POU6F2: variants seen among roughly 807,000 people sequenced by gnomAD.
The protein encoded by POU6F2 is POU class 6 homeobox 2, also known as POU domain, class 6, transcription factor 2.
In POU6F2, 31 loss-of-function variants were observed where a neutral mutation model predicts 71.3. That is an observed-to-expected ratio of 0.43 (90% CI 0.33 to 0.59). The LOEUF is 0.59. Ranked by LOEUF, POU6F2 falls within the 20% of genes least tolerant of loss-of-function variation. The pLI is 0.04. For missense variants in POU6F2, 783 were observed against 856.8 expected (o/e 0.91, Z 1.07); for synonymous variants, 347 against 355.7 (o/e 0.98, Z 0.27).
intron 1 of POU6F2, among the ~76,000 whole-genome samples, chr7:38,988,117 A>C (rs1282166194): frequency 6.6e-6 from 1 of 152,068 alleles, no homozygotes; most frequent in Non-Finnish European, 1.5e-5. Flanking sequence ...CATTTTATAG[A>C]AGTGGAAGCT....
chr7:39,095,580 C>A (rs77015808), intron 2 of POU6F2, among the ~76,000 whole-genome samples: 2,130 of 152,190 alleles, frequency 0.014, 45 homozygotes, highest in African/African-American at 0.048. Context: ...AACCCTGTAA[C>A]GGTTTATGGT....
intron 5 of POU6F2, among the ~76,000 whole-genome samples, chr7:39,341,951 G>C (rs1190428874): frequency 6.6e-6 from 1 of 152,194 alleles, no homozygotes; most frequent in Non-Finnish European, 1.5e-5. Flanking sequence ...TCCCAGGGCT[G>C]TTTGTTTTGT....
intron 1 of POU6F2, among the ~76,000 whole-genome samples, chr7:39,041,630 G>A (rs1306957828): frequency 6.6e-6 from 1 of 151,614 alleles, no homozygotes. Context: ...TTATATTATG[G>A]ATACTACATT....
chr7:38,987,584 A>T (rs747732736), intron 1 of POU6F2, among the ~76,000 whole-genome samples: 4 of 152,132 alleles, frequency 2.6e-5, no homozygotes, highest in Admixed American at 6.6e-5. Context: ...TCATAAGTTA[A>T]ATAATGCAGT....
At chr7:39,291,443 T>C (rs2128762198) in intron 4 of POU6F2, among the ~76,000 whole-genome samples, 2 of 152,338 alleles carry the variant, frequency 1.3e-5, no homozygotes, top group South Asian at 4.1e-4. Context: ...TCATCTTGTT[T>C]TGCTCTTTAT....
In POU6F2 at chr7:39,091,575, T is replaced by C. The variant is rs1430430994; in HGVS notation, c.277+5544T>C. ...ATCCCTCCTTTAAATGATCCCATTT[T>C]AGTCTCTTGAATGTCTTGGATGTTT... On this transcript the variant is annotated intron_variant, in intron 2 of 9. Coordinates refer to ENST00000518318, the MANE Select transcript of POU6F2 (RefSeq NM_001370959.1). Among the ~76,000 whole-genome samples, 3 of 152,204 alleles carry C rather than the reference T, an allele frequency of 2.0e-5. No homozygotes were observed. In the East Asian group the frequency reaches 5.8e-4, roughly 29 times the overall value.
At chr7:39,021,650 A>T (rs879355507) in intron 1 of POU6F2, among the ~76,000 whole-genome samples, 9 of 152,040 alleles carry the variant, frequency 5.9e-5, no homozygotes, top group Non-Finnish European at 1.2e-4. Flanking sequence ...TTTACTACAA[A>T]TTCCCTCTAT....
intron 4 of POU6F2, among the ~76,000 whole-genome samples, chr7:39,240,091 T>G (rs899121389): frequency 2.5e-4 from 38 of 152,114 alleles, no homozygotes; most frequent in Admixed American, 2.0e-3. Context: ...CTACCTGAGT[T>G]TTAAAAATAC....
chr7:39,210,272 C>A (rs1467677824), intron 4 of POU6F2, among the ~76,000 whole-genome samples: 1 of 152,120 alleles, frequency 6.6e-6, no homozygotes, highest in Non-Finnish European at 1.5e-5. Context: ...ATGAATAGTG[C>A]CCTTTTCCTC....
At chr7:39,320,113 G>C (rs903598568) in intron 4 of POU6F2, among the ~76,000 whole-genome samples, 3 of 152,214 alleles carry the variant, frequency 2.0e-5, no homozygotes, top group African/African-American at 7.2e-5. Context: ...CCATGGGGCA[G>C]AGAGGCTTTA....
intron 1 of POU6F2, among the ~76,000 whole-genome samples, chr7:39,047,351 A>G (rs1336210240): frequency 6.6e-6 from 1 of 151,916 alleles, no homozygotes; most frequent in African/African-American, 2.4e-5. Flanking sequence ...TGAAAAGGGA[A>G]TATGTCTCCA....
chr7:38,979,855 T>C (rs192437196), intron 1 of POU6F2, among the ~76,000 whole-genome samples: 2 of 151,346 alleles, frequency 1.3e-5, no homozygotes, highest in East Asian at 3.9e-4. Flanking sequence ...ATTTCCTTTT[T>C]CTATATATTT....
chr7:39,269,947 CAA>C (rs2128756520), intron 4 of POU6F2, among the ~76,000 whole-genome samples: 1 of 152,290 alleles, frequency 6.6e-6, no homozygotes, highest in Non-Finnish European at 1.5e-5. Context: ...AGGACTAAGT[CAA>C]GACGAGCTCT....
At chr7:39,310,944 G>A (rs1024110158) in intron 4 of POU6F2, among the ~76,000 whole-genome samples, 10 of 152,150 alleles carry the variant, frequency 6.6e-5, no homozygotes, top group Admixed American at 5.9e-4. Flanking sequence ...ACCTCAAGCC[G>A]ACTTCCTTTG....
intron 1 of POU6F2, among the ~76,000 whole-genome samples, chr7:39,023,127 A>G (rs574958278): frequency 1.2e-4 from 18 of 152,122 alleles, no homozygotes; most frequent in African/African-American, 3.9e-4. Flanking sequence ...ATTCATTGAT[A>G]CTTTGTATAT....
chr7:39,349,399 G>T (rs1026079669), intron 5 of POU6F2, among the ~76,000 whole-genome samples: 1 of 152,008 alleles, frequency 6.6e-6, no homozygotes, highest in Non-Finnish European at 1.5e-5. Flanking sequence ...TGAGAATCAC[G>T]GCCAGGGTGC....
intron 5 of POU6F2, among the ~76,000 whole-genome samples, chr7:39,340,225 T>G (rs1179712939): frequency 1.3e-5 from 2 of 152,250 alleles, no homozygotes; most frequent in Non-Finnish European, 2.9e-5. Flanking sequence ...AGCCCATTTC[T>G]GTTGCCCTCC....
chr7:39,030,190 T>G (rs1300522986), intron 1 of POU6F2, among the ~76,000 whole-genome samples: 3 of 152,058 alleles, frequency 2.0e-5, no homozygotes, highest in Non-Finnish European at 4.4e-5. Context: ...GAATTAAATG[T>G]ATATAATAAT....
At chr7:39,436,560 G>A (rs544840828) in intron 7 of POU6F2, among the ~76,000 whole-genome samples, 16 of 151,932 alleles carry the variant, frequency 1.1e-4, no homozygotes, top group East Asian at 1.9e-4. Flanking sequence ...AAATCATGTC[G>A]TCTGCAAGCA....
Sources: allele counts gnomAD v4.1 joint callset (sites outside exome capture counted in the v4.1 genomes callset), GRCh38; gene constraint gnomAD v4.1.1; transcripts MANE v1.5; gene names NCBI Gene and HGNC (gene_info 2026-07-23, HGNC 2026-07-21).